Variants in PRDM5 observed in about 807,000 individuals in gnomAD.
PRDM5 encodes the protein PR/SET domain 5, also known as PR domain zinc finger protein 5.
PRDM5 carries 56 observed loss-of-function variants against 81.2 expected under a neutral mutation model. The observed-to-expected ratio is 0.69, with a 90% CI of 0.56 to 0.86. The LOEUF (loss-of-function observed/expected upper bound fraction) is 0.86, where lower values mean the gene tolerates loss of function less well. Among genes scored for constraint, PRDM5 ranks in the 40% least tolerant of loss-of-function variants. PRDM5 has a pLI of 0.00. For missense variants in PRDM5, 697 were observed against 770.1 expected (o/e 0.91, Z 1.12); for synonymous variants, 267 against 256.4 (o/e 1.04, Z -0.39).
intron 8 of PRDM5, among the ~76,000 whole-genome samples, chr4:120,809,818 T>C (rs893013428): frequency 6.6e-6 from 1 of 152,174 alleles, no homozygotes; most frequent in African/African-American, 2.4e-5. Context: ...GGACTATGGC[T>C]GAAATGGAGG....
intron 2 of PRDM5, among the ~76,000 whole-genome samples, chr4:120,854,554 A>G (rs892256167): frequency 6.6e-6 from 1 of 152,308 alleles, no homozygotes; most frequent in South Asian, 2.1e-4. Flanking sequence ...TTCATGCTAC[A>G]TCTGAACAAT....
intron 4 of PRDM5, among the ~76,000 whole-genome samples, chr4:120,819,194 T>G (rs1004257444): frequency 1.3e-5 from 2 of 152,246 alleles, no homozygotes; most frequent in African/African-American, 4.8e-5. Flanking sequence ...TGCATACATA[T>G]TTTATGCGCA....
At chr4:120,696,742 G>A (rs1734569819) in intron 15 of PRDM5, among the ~76,000 whole-genome samples, 1 of 151,926 alleles carries the variant, frequency 6.6e-6, no homozygotes, top group Non-Finnish European at 1.5e-5. Flanking sequence ...AGATTGGAAA[G>A]AATAGACAAA....
intron 14 of PRDM5, among the ~76,000 whole-genome samples, chr4:120,752,397 G>T (rs184117499): frequency 1.3e-5 from 2 of 152,290 alleles, no homozygotes; most frequent in Non-Finnish European, 2.9e-5. Context: ...ATTACTCATT[G>T]TGGGGGATCC....
At chr4:120,833,985 G>A (rs1303681022) in intron 3 of PRDM5, among the ~76,000 whole-genome samples, 1 of 152,116 alleles carries the variant, frequency 6.6e-6, no homozygotes, top group African/African-American at 2.4e-5. Context: ...CATTAGCAAA[G>A]TGAAAGCACT....
At chr4:120,750,949 G>A (rs554652004) in intron 14 of PRDM5, among the ~76,000 whole-genome samples, 110 of 152,246 alleles carry the variant, frequency 7.2e-4, no homozygotes, top group African/African-American at 2.6e-3. Flanking sequence ...AATTTCAACA[G>A]AAATACAGAA....
At chr4:120,864,838 T>C (rs1761026158) in intron 2 of PRDM5, among the ~76,000 whole-genome samples, 1 of 152,178 alleles carries the variant, frequency 6.6e-6, no homozygotes, top group African/African-American at 2.4e-5. Flanking sequence ...AAGCACCAAC[T>C]CAGAAGAGCC....
chr4:120,695,427 C>T, intron 15 of PRDM5, 152 bp from the exon 16 acceptor site: 1 of 834,892 alleles, frequency 1.2e-6, no homozygotes, highest in Non-Finnish European at 1.9e-6. Context: ...CTTTTCCCAG[C>T]TGCTGGATTT....
Position 120,805,622 on chromosome 4 carries a change from A to G in PRDM5, c.945+5748T>C, listed in dbSNP as rs374541242. On this transcript the variant is annotated intron_variant, in intron 8 of 15. Coordinates refer to ENST00000264808, the MANE Select transcript of PRDM5 (RefSeq NM_018699.4). The stretch of plus-strand genomic sequence containing the variant: ...AAACCGCATGATTATCTCAATAGAT[A>G]CAGAAAAGGCCTTTGACAAAATTCA... 2.2e-4 allele frequency among the ~76,000 whole-genome samples: 33 copies of G among 152,284 alleles called. No homozygotes were observed. In the East Asian group the frequency reaches 6.0e-3, roughly 28 times the overall value.
intron 13 of PRDM5, 27 bp downstream of exon 13, chr4:120,777,161 T>C: frequency 6.2e-7 from 1 of 1,613,054 alleles, no homozygotes; most frequent in Middle Eastern, 1.7e-4. Flanking sequence ...AGTGGTTTTT[T>C]CACTAGTCTA....
At chr4:120,843,022 A>C (rs1272792304) in intron 3 of PRDM5, among the ~76,000 whole-genome samples, 1 of 152,202 alleles carries the variant, frequency 6.6e-6, no homozygotes, top group Non-Finnish European at 1.5e-5. Context: ...GGCAAAATTC[A>C]GAGGATTTCT....
intron 15 of PRDM5, among the ~76,000 whole-genome samples, chr4:120,697,949 CAAATAAAATAAAATAAAAAA>C (rs546329761): frequency 0.21 from 26,220 of 127,466 alleles, 2,584 homozygotes; most frequent in Non-Finnish European, 0.27. Flanking sequence ...AATAAGTATA[CAAATAAAATAAAATAAAAAA>C]AAAGAAAATG....
At chr4:120,743,143 G>T (rs1299875942) in intron 14 of PRDM5, among the ~76,000 whole-genome samples, 7 of 151,910 alleles carry the variant, frequency 4.6e-5, no homozygotes, top group African/African-American at 7.3e-5. Context: ...TTAAAGAAAA[G>T]AATTTTCAAC....
chr4:120,762,137 G>T (rs1745710332), intron 13 of PRDM5, among the ~76,000 whole-genome samples: 1 of 151,982 alleles, frequency 6.6e-6, no homozygotes, highest in Non-Finnish European at 1.5e-5. Context: ...AACCAACGTA[G>T]ATTTCAAAGA....
chr4:120,757,548 G>A (rs1480734092), intron 13 of PRDM5, among the ~76,000 whole-genome samples: 1 of 152,216 alleles, frequency 6.6e-6, no homozygotes, highest in Non-Finnish European at 1.5e-5. Flanking sequence ...GGGTCTGTGA[G>A]GGTGTGTCCA....
intron 3 of PRDM5, among the ~76,000 whole-genome samples, chr4:120,839,790 G>A (rs905690521): frequency 6.6e-6 from 1 of 152,152 alleles, no homozygotes; most frequent in Non-Finnish European, 1.5e-5. Flanking sequence ...AGGGGCACCT[G>A]CAGGCCACAC....
At chr4:120,722,007 C>T (rs976415603) in intron 14 of PRDM5, among the ~76,000 whole-genome samples, 7 of 152,288 alleles carry the variant, frequency 4.6e-5, no homozygotes, top group Non-Finnish European at 4.4e-5. Flanking sequence ...AGCCAGGACA[C>T]GTTCGGCTTG....
At chr4:120,763,312 G>C (rs1477425891) in intron 13 of PRDM5, among the ~76,000 whole-genome samples, 1 of 152,090 alleles carries the variant, frequency 6.6e-6, no homozygotes. Context: ...AAGAATACGA[G>C]ATGCAGAATG....
intron 1 of PRDM5, among the ~76,000 whole-genome samples, chr4:120,921,210 G>A (rs147645479): frequency 6.6e-6 from 1 of 152,276 alleles, no homozygotes; most frequent in Non-Finnish European, 1.5e-5. Flanking sequence ...TGAATTAAAA[G>A]GAGAATTTCA....
Sources: gnomAD v4.1 joint callset for allele counts (sites outside exome capture counted in the v4.1 genomes callset) on GRCh38, gnomAD v4.1.1 for gene constraint, MANE v1.5 for transcripts, NCBI Gene and HGNC (gene_info 2026-07-23, HGNC 2026-07-21) for gene names.